Variants in PTPRK observed in about 807,000 individuals in gnomAD.
The protein encoded by PTPRK is receptor-type tyrosine-protein phosphatase kappa.
In PTPRK, 75 loss-of-function variants were observed where a neutral mutation model predicts 178.0. The ratio of observed to expected loss-of-function variants is 0.42; its 90% CI spans 0.35 to 0.51. The LOEUF (loss-of-function observed/expected upper bound fraction) is 0.51, where lower values mean the gene tolerates loss of function less well. Ranked by LOEUF, PTPRK falls within the 20% of genes least tolerant of loss-of-function variation. The pLI, the probability that PTPRK is intolerant of heterozygous loss-of-function variation, is 0.02. For synonymous variants in PTPRK, 637 were observed against 620.6 expected (o/e 1.03, Z -0.39); for missense variants, 1,441 against 1,797.8 (o/e 0.80, Z 3.59).
intron 1 of PTPRK, among the ~76,000 whole-genome samples, chr6:128,404,941 T>C (rs2128374326): frequency 6.6e-6 from 1 of 152,286 alleles, no homozygotes; most frequent in South Asian, 2.1e-4. Flanking sequence ...TTTTCAGAAT[T>C]ATCCAGTACA....
chr6:128,030,596 A>G (rs1041964034), intron 13 of PTPRK, among the ~76,000 whole-genome samples: 2 of 152,158 alleles, frequency 1.3e-5, no homozygotes, highest in Non-Finnish European at 2.9e-5. Context: ...GATTATTTTA[A>G]TCTTATCAAA....
At chr6:128,238,504 C>T (rs1253800943) in intron 5 of PTPRK, among the ~76,000 whole-genome samples, 3 of 152,084 alleles carry the variant, frequency 2.0e-5, no homozygotes, top group Non-Finnish European at 4.4e-5. Flanking sequence ...AAACCAAGGG[C>T]AGACCTACAG....
At chr6:128,337,286 T>C (rs1475000237) in intron 2 of PTPRK, among the ~76,000 whole-genome samples, 5 of 152,178 alleles carry the variant, frequency 3.3e-5, no homozygotes, top group Non-Finnish European at 7.3e-5. Flanking sequence ...TGTAGTGATC[T>C]ACAGAAAGCT....
intron 2 of PTPRK, among the ~76,000 whole-genome samples, chr6:128,375,485 A>G (rs1047833771): frequency 1.3e-5 from 2 of 152,106 alleles, no homozygotes; most frequent in African/African-American, 4.8e-5. Context: ...CTATGATTCA[A>G]TCATCTCCCA....
chr6:127,990,733 A>G (rs1367723451), intron 21 of PTPRK, 36 bp downstream of exon 21: 1 of 1,384,208 alleles, frequency 7.2e-7, no homozygotes, highest in Non-Finnish European at 1.0e-6. Context: ...AGCAGTTTTG[A>G]TATCACTTTT....
Position 128,149,344 on chromosome 6 carries a change from A to AAAT in PTPRK, c.1162+35085_1162+35087dup, listed in dbSNP as rs543650285. Among the ~76,000 whole-genome samples the AAAT allele has an allele frequency of 4.1e-3, 618 of 152,200 alleles. 6 individuals carry two copies. Among genetic ancestry groups the AAAT allele is most frequent in the African/African-American group, 0.014 (572 of 41,540 alleles). On this transcript the variant is annotated intron_variant, in intron 7 of 29. Transcript: ENST00000368226. ...AAAATATGGCATATCATGGTTAATG[A>AAAT]AATAATAATAATATTGATAATTCTA...
intron 13 of PTPRK, among the ~76,000 whole-genome samples, chr6:128,031,289 C>T (rs1401157897): frequency 6.6e-6 from 1 of 152,140 alleles, no homozygotes; most frequent in East Asian, 1.9e-4. Flanking sequence ...CTTTGTAGAA[C>T]CCAGGTCATC....
chr6:128,237,325 T>TTA (rs1412089586), intron 5 of PTPRK, among the ~76,000 whole-genome samples: 3 of 148,970 alleles, frequency 2.0e-5, no homozygotes, highest in Non-Finnish European at 4.4e-5. Context: ...AACTGTTGTA[T>TTA]TATTCCATTA....
At chr6:128,093,633 A>T (rs28715008) in intron 7 of PTPRK, among the ~76,000 whole-genome samples, 1 of 148,760 alleles carries the variant, frequency 6.7e-6, no homozygotes, top group Non-Finnish European at 1.5e-5. Flanking sequence ...ACGAAAAAAC[A>T]AAAAAACAAA....
At chr6:128,033,634 G>A (rs1775717789) in intron 13 of PTPRK, among the ~76,000 whole-genome samples, 1 of 152,166 alleles carries the variant, frequency 6.6e-6, no homozygotes, top group African/African-American at 2.4e-5. Flanking sequence ...CACTTTGAGA[G>A]GCCAGGGTGA....
intron 13 of PTPRK, among the ~76,000 whole-genome samples, chr6:128,061,548 G>C (rs935489659): frequency 6.6e-6 from 1 of 152,084 alleles, no homozygotes; most frequent in Admixed American, 6.6e-5. Context: ...GAAAGGGGGT[G>C]GGGGTTGGGA....
At chr6:128,015,644 A>C (rs1333616049) in intron 13 of PTPRK, among the ~76,000 whole-genome samples, 1 of 151,764 alleles carries the variant, frequency 6.6e-6, no homozygotes, top group Non-Finnish European at 1.5e-5. Flanking sequence ...GGCCTTTCAC[A>C]AGCAGGTGCC....
chr6:128,419,787 T>C (rs1321919508), intron 1 of PTPRK, among the ~76,000 whole-genome samples: 1 of 152,180 alleles, frequency 6.6e-6, no homozygotes, highest in Non-Finnish European at 1.5e-5. Context: ...AAGAGGATCA[T>C]ATGCTCTTTA....
intron 13 of PTPRK, among the ~76,000 whole-genome samples, chr6:128,051,269 C>T (rs80284644): frequency 6.6e-6 from 1 of 152,100 alleles, no homozygotes; most frequent in Admixed American, 6.5e-5. Flanking sequence ...CCAGTCTCTA[C>T]CATGCTTAAT....
intron 7 of PTPRK, among the ~76,000 whole-genome samples, chr6:128,176,231 T>A (rs1801055426): frequency 6.6e-6 from 1 of 151,856 alleles, no homozygotes. Context: ...AAAAATATGG[T>A]TTTTAGTAAA....
At chr6:128,129,547 G>T (rs1286518735) in intron 7 of PTPRK, among the ~76,000 whole-genome samples, 1 of 151,972 alleles carries the variant, frequency 6.6e-6, no homozygotes, top group Non-Finnish European at 1.5e-5. Flanking sequence ...AACAACAACA[G>T]AATACTCAGT....
intron 19 of PTPRK, among the ~76,000 whole-genome samples, 162 bp downstream of exon 19, chr6:127,992,511 C>T (rs144593884): frequency 1.0e-3 from 154 of 151,844 alleles, no homozygotes; most frequent in African/African-American, 3.5e-3. Context: ...AAGCTTTACA[C>T]ACACAATAAA....
chr6:128,356,151 C>T (rs1401013775), intron 2 of PTPRK, among the ~76,000 whole-genome samples: 1 of 152,088 alleles, frequency 6.6e-6, no homozygotes, highest in African/African-American at 2.4e-5. Flanking sequence ...TTCTTCCAGT[C>T]CCTCTCCCCA....
At chr6:128,314,155 C>T (rs902305596) in intron 3 of PTPRK, among the ~76,000 whole-genome samples, 1 of 152,256 alleles carries the variant, frequency 6.6e-6, no homozygotes, top group East Asian at 1.9e-4. Context: ...CTTCCTAGAA[C>T]ACCTGGTCTA....
Sources: gnomAD v4.1 joint callset for allele counts (sites outside exome capture counted in the v4.1 genomes callset) on GRCh38, gnomAD v4.1.1 for gene constraint, MANE v1.5 for transcripts, NCBI Gene and HGNC (gene_info 2026-07-23, HGNC 2026-07-21) for gene names.